The following SHISA9 variants were observed in gnomAD, a reference collection of about 807,000 sequenced individuals.
The protein encoded by SHISA9 is shisa family member 9.
In SHISA9, 13 loss-of-function variants were observed where a neutral mutation model predicts 38.0. The observed-to-expected ratio is 0.34, with a 90% CI of 0.22 to 0.54. SHISA9 has a LOEUF of 0.54. SHISA9 is among the 20% of genes least tolerant of loss of function. The pLI, the probability that SHISA9 is intolerant of heterozygous loss-of-function variation, is 0.91. For missense variants in SHISA9, 538 were observed against 575.8 expected (o/e 0.93, Z 0.67); for synonymous variants, 275 against 242.0 (o/e 1.14, Z -1.27).
intron 2 of SHISA9, among the ~76,000 whole-genome samples, chr16:13,176,445 C>T (rs1434829705): frequency 1.3e-5 from 2 of 152,242 alleles, no homozygotes; most frequent in African/African-American, 4.8e-5. Context: ...CCAGGTCTCA[C>T]AGTCCACTCT....
chr16:12,983,356 T>A (rs1441951567), intron 2 of SHISA9, among the ~76,000 whole-genome samples: 1 of 152,254 alleles, frequency 6.6e-6, no homozygotes, highest in Non-Finnish European at 1.5e-5. Flanking sequence ...AAAACGGGAA[T>A]GTTTGTCCCT....
At chr16:13,554,837 G>A in the SHISA9 span, among the ~76,000 whole-genome samples, 3 of 152,156 alleles carry the variant, frequency 2.0e-5, no homozygotes, top group Admixed American at 1.3e-4. Flanking sequence ...AAGGACTCCT[G>A]CAAGCTCCTG....
chr16:12,935,875 AC>A (rs1201456880), intron 2 of SHISA9, among the ~76,000 whole-genome samples: 1 of 145,316 alleles, frequency 6.9e-6, no homozygotes, highest in Non-Finnish European at 1.5e-5. Flanking sequence ...AAAAGAAGGG[AC>A]ATATGAGATG....
the SHISA9 span, among the ~76,000 whole-genome samples, chr16:13,261,315 G>C: frequency 6.6e-6 from 1 of 152,150 alleles, no homozygotes; most frequent in African/African-American, 2.4e-5. Flanking sequence ...AGATGATAAT[G>C]ATAATGATCC....
chr16:13,444,109 G>A, the SHISA9 span, among the ~76,000 whole-genome samples: 4 of 151,910 alleles, frequency 2.6e-5, no homozygotes, highest in Non-Finnish European at 5.9e-5. Flanking sequence ...TATGGCTCAC[G>A]CCTGTCATCC....
chr16:13,294,262 A>G, the SHISA9 span, among the ~76,000 whole-genome samples: 2 of 152,348 alleles, frequency 1.3e-5, no homozygotes, highest in African/African-American at 4.8e-5. Context: ...ATGACCATGG[A>G]TTCCCTGAGG....
the SHISA9 span, among the ~76,000 whole-genome samples, chr16:13,396,893 C>T: frequency 2.1e-4 from 32 of 151,998 alleles, no homozygotes; most frequent in African/African-American, 7.7e-4. Context: ...TACAGCTGAC[C>T]CTTGAACAGC....
the SHISA9 span, among the ~76,000 whole-genome samples, chr16:13,475,664 T>A: frequency 6.6e-6 from 1 of 152,162 alleles, no homozygotes; most frequent in Non-Finnish European, 1.5e-5. Flanking sequence ...GCATATCACA[T>A]TTATTGCGGA....
chr16:12,966,597 G>A (rs913663421), intron 2 of SHISA9, among the ~76,000 whole-genome samples: 4 of 152,070 alleles, frequency 2.6e-5, no homozygotes, highest in Admixed American at 6.6e-5. Flanking sequence ...GAAGGCATTC[G>A]TTATCCCCAC....
At chr16:13,486,858 C>G in the SHISA9 span, among the ~76,000 whole-genome samples, 1 of 152,230 alleles carries the variant, frequency 6.6e-6, no homozygotes, top group South Asian at 2.1e-4. Context: ...GCATGCGCCA[C>G]CGCACCCAGC....
the SHISA9 span, among the ~76,000 whole-genome samples, chr16:13,283,671 T>C: frequency 6.6e-6 from 1 of 151,904 alleles, no homozygotes; most frequent in South Asian, 2.1e-4. Flanking sequence ...GTGGGAGTTA[T>C]GGAAACTGCA....
intron 2 of SHISA9, among the ~76,000 whole-genome samples, chr16:13,160,693 C>T (rs549165635): frequency 3.3e-5 from 5 of 152,280 alleles, no homozygotes; most frequent in Non-Finnish European, 7.4e-5. Flanking sequence ...CATTTTAACA[C>T]CCCCCAGGGG....
intron 2 of SHISA9, among the ~76,000 whole-genome samples, chr16:13,133,665 C>T (rs1428923213): frequency 2.6e-5 from 4 of 152,170 alleles, no homozygotes; most frequent in African/African-American, 9.7e-5. Flanking sequence ...ATTTCGCCCA[C>T]ATTACCCAAG....
At chr16:13,254,773 A>T in the SHISA9 span, among the ~76,000 whole-genome samples, 374 of 152,328 alleles carry the variant, frequency 2.5e-3, 3 homozygotes, top group African/African-American at 8.4e-3. Context: ...CTTGGGGCAA[A>T]GTGAAAGCAC....
At chr16:13,458,493 T>C in the SHISA9 span, 8 of 403,226 alleles carry the variant, frequency 2.0e-5, no homozygotes, top group Admixed American at 6.9e-5. Context: ...TAGAAATTGG[T>C]AATCTAGAAA....
chr16:13,386,078 A>G, the SHISA9 span, among the ~76,000 whole-genome samples: 15 of 152,194 alleles, frequency 9.9e-5, no homozygotes, highest in Non-Finnish European at 2.2e-4. Context: ...GCCCATGGAT[A>G]TATGAACCTA....
At chr16:13,284,683 C>T in the SHISA9 span, among the ~76,000 whole-genome samples, 5 of 152,274 alleles carry the variant, frequency 3.3e-5, no homozygotes, top group East Asian at 1.9e-4. Flanking sequence ...CTGCAGCCTC[C>T]GCCTCCTGGG....
At chr16:13,305,743 C>A in the SHISA9 span, among the ~76,000 whole-genome samples, 1 of 152,216 alleles carries the variant, frequency 6.6e-6, no homozygotes, top group Non-Finnish European at 1.5e-5. Flanking sequence ...AACTAGATCA[C>A]TTTGATCCCT....
At chr16:12,935,996 AG>A (rs1469340164) in intron 2 of SHISA9, among the ~76,000 whole-genome samples, 1 of 152,186 alleles carries the variant, frequency 6.6e-6, no homozygotes, top group African/African-American at 2.4e-5. Context: ...ACTTGAAGAG[AG>A]GGGCTGCCTT....
Sources: gnomAD v4.1 joint callset for allele counts (sites outside exome capture counted in the v4.1 genomes callset) on GRCh38, gnomAD v4.1.1 for gene constraint, MANE v1.5 for transcripts, NCBI Gene and HGNC (gene_info 2026-07-23, HGNC 2026-07-21) for gene names.